The following KCNH8 variants were observed in gnomAD, a reference collection of about 807,000 sequenced individuals.
The protein encoded by KCNH8 is voltage-gated delayed rectifier potassium channel KCNH8.
KCNH8 carries 70 observed loss-of-function variants against 103.6 expected under a neutral mutation model. The ratio of observed to expected loss-of-function variants is 0.68; its 90% confidence interval spans 0.56 to 0.82. The LOEUF is 0.82. KCNH8 is among the 40% of genes least tolerant of loss of function. The pLI is 0.00. For synonymous variants in KCNH8, 498 were observed against 489.4 expected (o/e 1.02, Z -0.23); for missense variants, 1,217 against 1,329.9 (o/e 0.92, Z 1.32).
In KCNH8 at chr3:19,488,853, G is replaced by A. The variant is rs562926423; in HGVS notation, c.2041-21510G>A. On this transcript the variant is annotated intron_variant, in intron 11 of 15. Transcript: ENST00000328405. ...CTTTGCCTTTTATTTGTATTAAAGAGGTACATGAGCAGCTGGTGGCAATCA... is the reference window on the plus strand; with the variant it reads ...CTTTGCCTTTTATTTGTATTAAAGAAGTACATGAGCAGCTGGTGGCAATCA... Among the ~76,000 whole-genome samples, 7 of 152,242 alleles carry A rather than the reference G, an allele frequency of 4.6e-5. No homozygotes were observed. The South Asian group carries it at 1.2e-3, about 27-fold the overall frequency.
chr3:19,492,242 C>A (rs1279172866), intron 11 of KCNH8, among the ~76,000 whole-genome samples: 3 of 152,216 alleles, frequency 2.0e-5, no homozygotes, highest in Middle Eastern at 3.4e-3. Context: ...GCAAAAAATT[C>A]TTTGCCAACA....
intron 5 of KCNH8, among the ~76,000 whole-genome samples, chr3:19,372,003 T>G (rs1420403263): frequency 2.0e-5 from 3 of 152,114 alleles, no homozygotes; most frequent in African/African-American, 7.2e-5. Flanking sequence ...CATGCTGTTT[T>G]GGTTACTGTA....
chr3:19,484,453 G>C (rs149030066), intron 11 of KCNH8, among the ~76,000 whole-genome samples: 1 of 152,148 alleles, frequency 6.6e-6, no homozygotes, highest in Non-Finnish European at 1.5e-5. Flanking sequence ...TGAGTTTTAC[G>C]ATGATTCTCC....
At position 19,186,297 on chromosome 3, in the gene KCNH8, A is replaced by G. The variant is rs565135776; in HGVS notation, c.76+37502A>G. On this transcript the variant is annotated intron_variant, in intron 1 of 15. Coordinates refer to ENST00000328405, the MANE Select transcript of KCNH8 (RefSeq NM_144633.3). ...CCTCTTTAAAAAATGTAAAAAAAAAAAAAAAAGAAAAAAAATTGCAACGCA... is the reference window on the plus strand; with the variant it reads ...CCTCTTTAAAAAATGTAAAAAAAAAGAAAAAAGAAAAAAAATTGCAACGCA... Among the ~76,000 whole-genome samples, 11 of 151,530 alleles carry G rather than the reference A, an allele frequency of 7.3e-5. 1 individual carries two copies. The South Asian group carries it at 2.3e-3, about 31-fold the overall frequency.
intron 3 of KCNH8, among the ~76,000 whole-genome samples, chr3:19,301,174 C>T (rs1472806235): frequency 2.0e-5 from 3 of 151,548 alleles, no homozygotes; most frequent in Non-Finnish European, 2.9e-5. Flanking sequence ...GCTTGAGTCT[C>T]GACTCCTACA....
chr3:19,526,402 C>T (rs987716271), intron 15 of KCNH8, among the ~76,000 whole-genome samples: 1 of 151,868 alleles, frequency 6.6e-6, no homozygotes, highest in African/African-American at 2.4e-5. Context: ...AAATATAAAA[C>T]GTATGTAAAA....
chr3:19,532,633 A>C (rs1176041861), intron 15 of KCNH8, among the ~76,000 whole-genome samples: 1 of 152,160 alleles, frequency 6.6e-6, no homozygotes. Context: ...GCCACTCCAC[A>C]TTGTTTTGAA....
chr3:19,266,251 T>G (rs943373781), intron 2 of KCNH8, among the ~76,000 whole-genome samples: 1 of 152,072 alleles, frequency 6.6e-6, no homozygotes. Flanking sequence ...GTCCTCCCTG[T>G]TCCCTTCATT....
chr3:19,265,222 A>G (rs2064490946), intron 2 of KCNH8, among the ~76,000 whole-genome samples: 1 of 152,098 alleles, frequency 6.6e-6, no homozygotes, highest in South Asian at 2.1e-4. Flanking sequence ...TAGAGATCCA[A>G]TATCATCCTT....
intron 3 of KCNH8, among the ~76,000 whole-genome samples, chr3:19,316,577 A>T (rs909570696): frequency 6.6e-6 from 1 of 151,990 alleles, no homozygotes; most frequent in African/African-American, 2.4e-5. Context: ...GAAATAAAGC[A>T]ATCCTCCAAA....
At chr3:19,219,101 T>C (rs2063845705) in intron 1 of KCNH8, among the ~76,000 whole-genome samples, 1 of 152,082 alleles carries the variant, frequency 6.6e-6, no homozygotes, top group Admixed American at 6.5e-5. Context: ...CTCTTTGAGG[T>C]TTTTTGAGTA....
chr3:19,395,082 G>A (rs2066494536), intron 6 of KCNH8, 22 bp from the exon 7 acceptor site: 2 of 1,583,970 alleles, frequency 1.3e-6, no homozygotes, highest in African/African-American at 2.7e-5. Context: ...ACCAAGTTGT[G>A]CTGCTCTGTC....
At chr3:19,358,462 A>T (rs1204778993) in intron 5 of KCNH8, among the ~76,000 whole-genome samples, 2 of 151,926 alleles carry the variant, frequency 1.3e-5, no homozygotes, top group Non-Finnish European at 2.9e-5. Context: ...GTTCTTTAGC[A>T]GGAAGAAAAG....
At chr3:19,325,568 C>G (rs1428980475) in intron 3 of KCNH8, among the ~76,000 whole-genome samples, 1 of 152,018 alleles carries the variant, frequency 6.6e-6, no homozygotes, top group Admixed American at 6.6e-5. Flanking sequence ...TACATGTTGC[C>G]AACAGTCATG....
intron 13 of KCNH8, among the ~76,000 whole-genome samples, chr3:19,514,068 T>A (rs1463201818): frequency 1.3e-5 from 2 of 152,162 alleles, no homozygotes; most frequent in African/African-American, 4.8e-5. Flanking sequence ...CATTTAATCT[T>A]CTCAGAACCC....
At chr3:19,507,679 A>G (rs1400473933) in intron 11 of KCNH8, among the ~76,000 whole-genome samples, 1 of 152,176 alleles carries the variant, frequency 6.6e-6, no homozygotes, top group Non-Finnish European at 1.5e-5. Context: ...AGGGCCTCCC[A>G]GTAAGGAGAA....
chr3:19,487,411 G>C (rs1205450298), intron 11 of KCNH8, among the ~76,000 whole-genome samples: 1 of 152,180 alleles, frequency 6.6e-6, no homozygotes, highest in East Asian at 1.9e-4. Flanking sequence ...CTGGCTTAGG[G>C]ACAGGCAGGA....
At chr3:19,370,047 A>G (rs1463182389) in intron 5 of KCNH8, among the ~76,000 whole-genome samples, 2 of 151,970 alleles carry the variant, frequency 1.3e-5, no homozygotes, top group Non-Finnish European at 2.9e-5. Flanking sequence ...CTACTCTTTA[A>G]CTTTAAATAA....
At chr3:19,283,618 G>T (rs1459552771) in intron 3 of KCNH8, among the ~76,000 whole-genome samples, 1 of 151,776 alleles carries the variant, frequency 6.6e-6, no homozygotes, top group Non-Finnish European at 1.5e-5. Flanking sequence ...GAAAGACAGA[G>T]TAACTGTTGT....
Sources: allele counts gnomAD v4.1 joint callset (sites outside exome capture counted in the v4.1 genomes callset), GRCh38; gene constraint gnomAD v4.1.1; transcripts MANE v1.5; gene names NCBI Gene and HGNC (gene_info 2026-07-23, HGNC 2026-07-21).